Variants in ROCK2 observed in about 807,000 individuals in gnomAD.
The protein encoded by ROCK2 is rho-associated protein kinase 2.
ROCK2 carries 61 observed loss-of-function variants against 195.1 expected under a neutral mutation model. That is an observed-to-expected ratio of 0.31 (90% CI 0.25 to 0.39). The LOEUF (loss-of-function observed/expected upper bound fraction) is 0.39. ROCK2 is among the 10% of genes least tolerant of loss of function. The pLI, the probability that ROCK2 is intolerant of heterozygous loss-of-function variation, is 1.00. For missense variants in ROCK2, 1,109 were observed against 1,637.4 expected (o/e 0.68, Z 5.57); for synonymous variants, 504 against 545.5 (o/e 0.92, Z 1.06).
chr2:11,277,156 A>G (rs1187130142), intron 3 of ROCK2, among the ~76,000 whole-genome samples: 1 of 152,184 alleles, frequency 6.6e-6, no homozygotes, highest in African/African-American at 2.4e-5. Flanking sequence ...ACTATTAACG[A>G]AGTCCAGAGT....
At chr2:11,277,725 G>A (rs1199956624) in intron 3 of ROCK2, among the ~76,000 whole-genome samples, 4 of 152,030 alleles carry the variant, frequency 2.6e-5, no homozygotes, top group South Asian at 2.1e-4. Context: ...TTATCCACTC[G>A]TTGACTGATG....
chr2:11,298,326 C>T (rs750223130), intron 1 of ROCK2, among the ~76,000 whole-genome samples: 14 of 151,828 alleles, frequency 9.2e-5, no homozygotes, highest in Admixed American at 2.0e-4. Context: ...AAAAATTAGC[C>T]GGGCATGGTG....
At chr2:11,307,180 T>G (rs541474753) in intron 1 of ROCK2, among the ~76,000 whole-genome samples, 1 of 152,358 alleles carries the variant, frequency 6.6e-6, no homozygotes, top group South Asian at 2.1e-4. Flanking sequence ...AAGATGATCT[T>G]ATGGTTTCTA....
intron 23 of ROCK2, among the ~76,000 whole-genome samples, chr2:11,199,808 GC>G (rs1237191582): frequency 6.6e-6 from 1 of 152,142 alleles, no homozygotes; most frequent in Non-Finnish European, 1.5e-5. Flanking sequence ...TATTTATGCT[GC>G]TATAAGCATT....
chr2:11,228,052 C>T (rs1664874173), intron 5 of ROCK2, among the ~76,000 whole-genome samples: 1 of 151,988 alleles, frequency 6.6e-6, no homozygotes, highest in South Asian at 2.1e-4. Flanking sequence ...TAAAATAATC[C>T]CTCCCTGATG....
chr2:11,317,944 C>T (rs1184295324), intron 1 of ROCK2, among the ~76,000 whole-genome samples: 2 of 152,022 alleles, frequency 1.3e-5, no homozygotes, highest in Non-Finnish European at 2.9e-5. Context: ...AGGACATGAA[C>T]TCATCCTTTC....
intron 1 of ROCK2, among the ~76,000 whole-genome samples, chr2:11,302,740 A>G (rs1280230366): frequency 1.3e-5 from 2 of 152,236 alleles, no homozygotes; most frequent in Non-Finnish European, 2.9e-5. Flanking sequence ...AACTGTTTTA[A>G]TAACTCGTTA....
At chr2:11,208,111 C>T (rs973969503) in intron 19 of ROCK2, among the ~76,000 whole-genome samples, 176 bp downstream of exon 19, 2 of 151,238 alleles carry the variant, frequency 1.3e-5, no homozygotes, top group Non-Finnish European at 2.9e-5. Context: ...GTAAATATAA[C>T]TTTAAAAATG....
At chr2:11,231,249 G>A (rs1280030354) in intron 5 of ROCK2, among the ~76,000 whole-genome samples, 1 of 151,482 alleles carries the variant, frequency 6.6e-6, no homozygotes, top group African/African-American at 2.4e-5. Context: ...TGTCACCCAG[G>A]CTGGAGCACA....
chr2:11,200,850 G>T, intron 23 of ROCK2, 107 bp downstream of exon 23: 1 of 942,794 alleles, frequency 1.1e-6, no homozygotes, highest in Non-Finnish European at 1.5e-6. Context: ...CTTGTAGTCA[G>T]CATATATAAT....
chr2:11,340,499 T>C (rs897841682), intron 1 of ROCK2, among the ~76,000 whole-genome samples: 2 of 152,126 alleles, frequency 1.3e-5, no homozygotes, highest in Non-Finnish European at 2.9e-5. Context: ...CCTATCAACA[T>C]GAAAGTTTTA....
At chr2:11,311,891 C>G (rs183666055) in intron 1 of ROCK2, among the ~76,000 whole-genome samples, 9 of 152,268 alleles carry the variant, frequency 5.9e-5, no homozygotes, top group Middle Eastern at 3.4e-3. Flanking sequence ...GAAGAATATC[C>G]AGAATTATCT....
Position 11,288,147 on chromosome 2 carries a change from A to C in ROCK2, c.142-411T>G, listed in dbSNP as rs79063951. On this transcript the variant is annotated intron_variant, in intron 1 of 32. Coordinates refer to ENST00000315872, the MANE Select transcript of ROCK2 (RefSeq NM_004850.5). ...GTGCAGATTAAGAAGAGAAAATCCA[A>C]AAATAAATAACACCATCCTTACCCT... Among the ~76,000 whole-genome samples, 603 of 152,328 alleles carry C rather than the reference A, an allele frequency of 4.0e-3. 3 individuals carry two copies. Among genetic ancestry groups the C allele is most frequent in the African/African-American group, 0.014 (582 of 41,556 alleles).
Position 11,344,429 on chromosome 2 carries a change from G to A in ROCK2, c.-293C>T, listed in dbSNP as rs1211463298. ...CCGCCGGTCCGCTGGTCCTCAGCGA[G>A]TGCCCGCAGGAGTCCTCGGGCGGGA... On this transcript the variant is annotated 5_prime_UTR_variant, in exon 1 of 33. Transcript: ENST00000315872. This position sits in a 1 kb window ranked among gnomAD's most constrained non-coding sequence, Gnocchi z 5.4. 7 of 1,056,692 alleles carry A rather than the reference G, an allele frequency of 6.6e-6. No homozygotes were observed. In the African/African-American group the frequency reaches 1.2e-4, roughly 18 times the overall value. The allele number at this position is 1,056,692 out of a possible 1,614,324, so 65.5% of individuals were successfully genotyped here. A position where few individuals can be genotyped will look rare whatever the true frequency, so the allele number is the denominator to read the frequency against.
chr2:11,238,207 A>AGTGTGTGTGTGTGT (rs764814189), intron 4 of ROCK2, among the ~76,000 whole-genome samples: 89 of 36,062 alleles, frequency 2.5e-3, no homozygotes, highest in African/African-American at 7.5e-3. Flanking sequence ...AAATTGAGAA[A>AGTGTGTGTGTGTGT]GAGTGTGTGT....
intron 1 of ROCK2, among the ~76,000 whole-genome samples, chr2:11,317,606 ATATATATT>A (rs1457727452): frequency 6.2e-5 from 1 of 16,158 alleles, no homozygotes; most frequent in African/African-American, 1.9e-4. Flanking sequence ...ATATATATAT[ATATATATT>A]TTTTTTTTTT....
At chr2:11,295,875 TA>T (rs1449046747) in intron 1 of ROCK2, among the ~76,000 whole-genome samples, 1 of 151,340 alleles carries the variant, frequency 6.6e-6, no homozygotes, top group Non-Finnish European at 1.5e-5. Context: ...GACAATCACT[TA>T]AACCCAAGAG....
chr2:11,233,050 T>C lies in ROCK2; in HGVS notation c.723+2652A>G, dbSNP rs542803906. Among the ~76,000 whole-genome samples, 8 of 151,750 alleles carry C rather than the reference T, an allele frequency of 5.3e-5. No homozygotes were observed. The South Asian group carries it at 1.5e-3, about 28-fold the overall frequency. On this transcript the variant is annotated intron_variant, in intron 5 of 32. Transcript: ENST00000315872. ...GCAACATAGAGAGATACTGTCTCTA[T>C]GAAATATTAAAAAATGAACCAGGCA... is the stretch of plus-strand genomic sequence containing the variant.
chr2:11,283,076 GGCC>G (rs1667062089), intron 3 of ROCK2, among the ~76,000 whole-genome samples: 1 of 147,406 alleles, frequency 6.8e-6, no homozygotes, highest in Admixed American at 6.8e-5. Context: ...AGACCAGCCT[GGCC>G]AACATGGTGA....
Sources: allele counts gnomAD v4.1 joint callset (sites outside exome capture counted in the v4.1 genomes callset), GRCh38; gene constraint gnomAD v4.1.1; non-coding constraint Gnocchi (gnomAD v3.1); transcripts MANE v1.5; gene names NCBI Gene and HGNC (gene_info 2026-07-23, HGNC 2026-07-21).